Variants in IGSF21 observed in about 807,000 individuals in gnomAD.
IGSF21 encodes immunoglobin superfamily member 21.
In IGSF21, 28 loss-of-function variants were observed where a neutral mutation model predicts 46.8. The observed-to-expected ratio is 0.60, with a 90% confidence interval of 0.44 to 0.82. The LOEUF (loss-of-function observed/expected upper bound fraction) is 0.82. IGSF21 is among the 40% of genes least tolerant of loss of function. The pLI is 0.00. For missense variants in IGSF21, 624 were observed against 665.5 expected (o/e 0.94, Z 0.69); for synonymous variants, 284 against 273.6 (o/e 1.04, Z -0.38).
At chr1:18,224,932 G>A (rs905172503) in intron 1 of IGSF21, among the ~76,000 whole-genome samples, 1 of 151,914 alleles carries the variant, frequency 6.6e-6, no homozygotes, top group Non-Finnish European at 1.5e-5. Context: ...GGGTATGGTG[G>A]CAAGCACCTG....
intron 1 of IGSF21, among the ~76,000 whole-genome samples, chr1:18,193,172 C>T (rs964234844): frequency 9.9e-5 from 15 of 152,032 alleles, no homozygotes; most frequent in African/African-American, 1.4e-4. Flanking sequence ...AGAACAAGCC[C>T]AGACTTGTGG....
chr1:18,292,981 G>A (rs554451679), intron 3 of IGSF21, among the ~76,000 whole-genome samples: 2 of 152,362 alleles, frequency 1.3e-5, no homozygotes, highest in Admixed American at 1.3e-4. Flanking sequence ...GGACCGTGCT[G>A]CATCGGGTAC....
chr1:18,309,318 G>C (rs975605467), intron 3 of IGSF21, among the ~76,000 whole-genome samples: 13 of 152,136 alleles, frequency 8.5e-5, no homozygotes, highest in African/African-American at 3.1e-4. Context: ...GGCTTACTGT[G>C]TGCCAAGCCA....
intron 2 of IGSF21, among the ~76,000 whole-genome samples, chr1:18,237,162 C>T (rs2084680910): frequency 1.3e-5 from 2 of 152,110 alleles, no homozygotes; most frequent in South Asian, 2.1e-4. Context: ...CTCTCCTCAT[C>T]GAGAATGTGA....
chr1:18,348,595 C>T (rs542382563), intron 4 of IGSF21, among the ~76,000 whole-genome samples: 1 of 152,286 alleles, frequency 6.6e-6, no homozygotes, highest in Admixed American at 6.5e-5. Context: ...TGCAGTGCCT[C>T]GGGCCCAGTG....
chr1:18,198,832 G>T (rs1278979268), intron 1 of IGSF21, among the ~76,000 whole-genome samples: 3 of 152,136 alleles, frequency 2.0e-5, no homozygotes, highest in Non-Finnish European at 2.9e-5. Context: ...GATCTAATAA[G>T]GTCGTGGGAG....
intron 1 of IGSF21, among the ~76,000 whole-genome samples, chr1:18,145,887 C>A (rs1268006424): frequency 1.3e-5 from 2 of 152,156 alleles, no homozygotes; most frequent in Non-Finnish European, 2.9e-5. Flanking sequence ...TCCTTTATTC[C>A]TCCTTCCAAG....
chr1:18,234,073 C>T (rs2084652030), intron 2 of IGSF21, among the ~76,000 whole-genome samples: 1 of 152,172 alleles, frequency 6.6e-6, no homozygotes, highest in African/African-American at 2.4e-5. Context: ...GCACCAAGGT[C>T]CCAGAGGATG....
intron 2 of IGSF21, among the ~76,000 whole-genome samples, chr1:18,266,127 T>C (rs2084987465): frequency 6.6e-6 from 1 of 152,192 alleles, no homozygotes; most frequent in South Asian, 2.1e-4. Flanking sequence ...TCACTTTCCA[T>C]GTGTCAGGCT....
intron 3 of IGSF21, among the ~76,000 whole-genome samples, chr1:18,297,851 G>A (rs1192486357): frequency 1.4e-4 from 21 of 151,878 alleles, no homozygotes; most frequent in Admixed American, 1.1e-3. Flanking sequence ...TCCACGGTTG[G>A]TTGGATCTGC....
At chr1:18,120,100 G>A (rs1045535596) in intron 1 of IGSF21, among the ~76,000 whole-genome samples, 2 of 152,236 alleles carry the variant, frequency 1.3e-5, no homozygotes. Flanking sequence ...GGCAGGAAAC[G>A]GCAGGCTCAG....
At chr1:18,281,953 G>C (rs115048070) in intron 2 of IGSF21, among the ~76,000 whole-genome samples, 3 of 152,136 alleles carry the variant, frequency 2.0e-5, no homozygotes, top group Non-Finnish European at 2.9e-5. Context: ...TCGGAGCAAA[G>C]AGCCTGGCTC....
intron 1 of IGSF21, among the ~76,000 whole-genome samples, chr1:18,126,033 G>A (rs1025690170): frequency 2.0e-5 from 3 of 152,194 alleles, no homozygotes; most frequent in Admixed American, 6.5e-5. Context: ...TGAGAGCTGA[G>A]TGGGGCCTTG....
intron 1 of IGSF21, among the ~76,000 whole-genome samples, chr1:18,222,287 T>C (rs1459572535): frequency 1.3e-5 from 2 of 152,176 alleles, no homozygotes; most frequent in Non-Finnish European, 2.9e-5. Context: ...TCTCCTGACT[T>C]TGACCCCAGC....
At chr1:18,190,303 T>G (rs1003471724) in intron 1 of IGSF21, among the ~76,000 whole-genome samples, 5 of 152,182 alleles carry the variant, frequency 3.3e-5, no homozygotes, top group Middle Eastern at 3.2e-3. Flanking sequence ...CGCAATCTCC[T>G]GCACACAGCT....
chr1:18,251,068 A>G (rs1260707372), intron 2 of IGSF21, among the ~76,000 whole-genome samples: 1 of 152,118 alleles, frequency 6.6e-6, no homozygotes, highest in Non-Finnish European at 1.5e-5. Context: ...CAGAGAGGGT[A>G]TCTATGGATG....
At chr1:18,194,075 G>A (rs1279383629) in intron 1 of IGSF21, among the ~76,000 whole-genome samples, 1 of 152,176 alleles carries the variant, frequency 6.6e-6, no homozygotes, top group African/African-American at 2.4e-5. Flanking sequence ...GTGAAAGAGT[G>A]AATGAGTGAA....
chr1:18,108,074 G>GCCGCCACCGCCTCCACCC lies in IGSF21; in HGVS notation c.-49_-32dup, dbSNP rs2086107783. Reference sequence around the variant, plus strand: ...GTCTGAGCCCATGGCGAGGGGACCCGCCGCCACCGCCTCCACCCCCGCCGC... The same window carrying GCCGCCACCGCCTCCACCC: ...GTCTGAGCCCATGGCGAGGGGACCCGCCGCCACCGCCTCCACCCCCGCCACCGCCTCCACCCCCGCCGC... On this transcript the variant is annotated 5_prime_UTR_variant, in exon 1 of 10. Transcript: ENST00000251296. 2 of 871,346 alleles carry GCCGCCACCGCCTCCACCC rather than the reference G, an allele frequency of 2.3e-6. No individual in the cohort carries two copies. Among genetic ancestry groups the GCCGCCACCGCCTCCACCC allele is most frequent in the East Asian group, 7.6e-5 (2 of 26,328 alleles). The allele number at this position is 871,346 out of a possible 1,614,324, so 54.0% of individuals were successfully genotyped here.
At position 18,308,053 on chromosome 1, in the gene IGSF21, C is replaced by G. The variant is rs567011423; in HGVS notation, c.305+16066C>G. 3.3e-5 allele frequency among the ~76,000 whole-genome samples: 5 copies of G among 152,312 alleles called. No homozygotes were observed. In the South Asian group the frequency reaches 1.0e-3, roughly 32 times the overall value. On this transcript the variant is annotated intron_variant, in intron 3 of 9. Transcript: ENST00000251296. ...GGGACACCCTGCTCCCTTGGGTGAC[C>G]TCATGAGCCTCTCTCTTCCATGGTT...
Sources: gnomAD v4.1 joint callset for allele counts (sites outside exome capture counted in the v4.1 genomes callset) on GRCh38, gnomAD v4.1.1 for gene constraint, MANE v1.5 for transcripts, NCBI Gene and HGNC (gene_info 2026-07-23, HGNC 2026-07-21) for gene names.